The following WWP1 variants were observed in gnomAD, a reference collection of about 807,000 sequenced individuals.
WWP1 encodes NEDD4-like E3 ubiquitin-protein ligase WWP1.
WWP1 carries 49 observed loss-of-function variants against 130.6 expected under a neutral mutation model. The observed-to-expected ratio is 0.38, with a 90% CI of 0.30 to 0.48. The LOEUF (loss-of-function observed/expected upper bound fraction) is 0.48, where lower values mean the gene tolerates loss of function less well. WWP1 is among the 20% of genes least tolerant of loss of function. WWP1 has a pLI of 0.99. For synonymous variants in WWP1, 332 were observed against 367.8 expected (o/e 0.90, Z 1.11); for missense variants, 809 against 1,100.6 (o/e 0.74, Z 3.75).
chr8:86,401,342 T>C (rs1230343645), intron 7 of WWP1, among the ~76,000 whole-genome samples: 2 of 152,208 alleles, frequency 1.3e-5, no homozygotes, highest in East Asian at 1.9e-4. Flanking sequence ...GGAGGATCGC[T>C]TGAGGCCAGG....
intron 5 of WWP1, among the ~76,000 whole-genome samples, chr8:86,390,476 C>T (rs1453604755): frequency 2.6e-5 from 4 of 152,168 alleles, no homozygotes; most frequent in South Asian, 2.1e-4. Context: ...GCAGATCACT[C>T]GCGGTCAGGA....
intron 5 of WWP1, among the ~76,000 whole-genome samples, chr8:86,394,370 G>A (rs1443454504): frequency 1.3e-5 from 2 of 152,130 alleles, no homozygotes; most frequent in Admixed American, 1.3e-4. Context: ...GTTCCCCTAG[G>A]ACAGGACTAC....
intron 6 of WWP1, 28 bp downstream of exon 6, chr8:86,398,507 T>C: frequency 6.2e-7 from 1 of 1,608,968 alleles, no homozygotes; most frequent in Non-Finnish European, 8.5e-7. Context: ...GTTTGTAAAA[T>C]TTCAAGGAAA....
rs1822460638 is a variant in WWP1, at chr8:86,344,654, T to TAGGG, written c.-115+1726_-115+1729dup. On this transcript the variant is annotated intron_variant, in intron 1 of 24. Transcript: ENST00000517970. Reference sequence around the variant, plus strand: ...AGAGCTCAGATCTTACTTGGCAAGGTAGGGATAAGAGGGTTAGTTTGTAGA... The same window carrying TAGGG: ...AGAGCTCAGATCTTACTTGGCAAGGTAGGGAGGGATAAGAGGGTTAGTTTGTAGA... 2.0e-5 allele frequency among the ~76,000 whole-genome samples: 3 copies of TAGGG among 152,114 alleles called. No individual in the cohort carries two copies. The South Asian group carries it at 6.2e-4, about 32-fold the overall frequency.
chr8:86,421,803 A>T (rs1279263246), intron 9 of WWP1, among the ~76,000 whole-genome samples: 1 of 152,068 alleles, frequency 6.6e-6, no homozygotes, highest in Non-Finnish European at 1.5e-5. Flanking sequence ...AGCCTGGGGG[A>T]CAGAGCGAGA....
At chr8:86,409,812 A>C (rs1456904008) in intron 8 of WWP1, among the ~76,000 whole-genome samples, 3 of 151,914 alleles carry the variant, frequency 2.0e-5, no homozygotes, top group African/African-American at 7.2e-5. Context: ...GTGAGCTGTG[A>C]TTGTGCCACT....
intron 9 of WWP1, among the ~76,000 whole-genome samples, chr8:86,415,682 A>G (rs2130591383): frequency 6.6e-6 from 1 of 152,324 alleles, no homozygotes; most frequent in Non-Finnish European, 1.5e-5. Flanking sequence ...GAGGCAATCA[A>G]TATTCTAATT....
chr8:86,451,195 G>A (rs1338847092), intron 20 of WWP1, among the ~76,000 whole-genome samples: 2 of 118,156 alleles, frequency 1.7e-5, no homozygotes, highest in Non-Finnish European at 3.3e-5. Flanking sequence ...CCAGGCAACC[G>A]AGTGAGACCC....
Position 86,342,865 on chromosome 8 carries a change from C to A in WWP1, c.-180C>A. 1 of 365,774 alleles carries A rather than the reference C, an allele frequency of 2.7e-6. No homozygotes were observed. Among genetic ancestry groups the A allele is most frequent in the Non-Finnish European group, 4.9e-6 (1 of 204,774 alleles). The allele number at this position is 365,774 out of a possible 1,614,324, so 22.7% of individuals were successfully genotyped here. ...CTTGGGCGCGGAAGGGTGAGGGCGC[C>A]CGCCGCAGGAGGAGGTGCCGCTGCC... On this transcript the variant is annotated 5_prime_UTR_variant, in exon 1 of 25. Coordinates refer to ENST00000517970, the MANE Select transcript of WWP1 (RefSeq NM_007013.4).
At chr8:86,388,033 T>C (rs963470813) in intron 5 of WWP1, among the ~76,000 whole-genome samples, 6 of 152,246 alleles carry the variant, frequency 3.9e-5, no homozygotes, top group Non-Finnish European at 7.3e-5. Flanking sequence ...TGTTTAATTT[T>C]AAACTTGGTT....
chr8:86,398,026 A>G (rs1331925774), intron 5 of WWP1, among the ~76,000 whole-genome samples: 1 of 152,184 alleles, frequency 6.6e-6, no homozygotes, highest in East Asian at 1.9e-4. Context: ...TTGTGCAGAA[A>G]TTTTGCCTCA....
chr8:86,348,121 A>AG (rs1243098048), intron 1 of WWP1, among the ~76,000 whole-genome samples: 5 of 152,246 alleles, frequency 3.3e-5, no homozygotes, highest in Non-Finnish European at 7.3e-5. Context: ...TATAATGTAA[A>AG]ACCATACGTC....
Position 86,435,715 on chromosome 8 carries a change from T to C in WWP1, c.1749+11T>C. Reference sequence around the variant, plus strand: ...GATTCCTTCCAACAGGTAAGGAGGATTTTAGCAGAATAAAACACCATTTGT... The same window carrying C: ...GATTCCTTCCAACAGGTAAGGAGGACTTTAGCAGAATAAAACACCATTTGT... On this transcript the variant is annotated intron_variant, in intron 16 of 24. Coordinates refer to ENST00000517970, the MANE Select transcript of WWP1 (RefSeq NM_007013.4). 1 of 1,610,540 alleles carries C rather than the reference T, an allele frequency of 6.2e-7. No individual in the cohort carries two copies. Among genetic ancestry groups the C allele is most frequent in the Non-Finnish European group, 8.5e-7 (1 of 1,178,934 alleles).
intron 11 of WWP1, 74 bp from the exon 12 acceptor site, chr8:86,430,623 A>C: frequency 8.0e-7 from 1 of 1,243,782 alleles, no homozygotes; most frequent in Non-Finnish European, 1.1e-6. Context: ...ATTCTGCCAC[A>C]TGCTTGGCTT....
chr8:86,443,781 A>G (rs1314551955), intron 18 of WWP1, among the ~76,000 whole-genome samples: 1 of 152,208 alleles, frequency 6.6e-6, no homozygotes, highest in African/African-American at 2.4e-5. Flanking sequence ...AATCATGCAG[A>G]TATCTTGGAG....
intron 18 of WWP1, among the ~76,000 whole-genome samples, chr8:86,444,753 G>A (rs1345218340): frequency 6.6e-6 from 1 of 152,162 alleles, no homozygotes; most frequent in Non-Finnish European, 1.5e-5. Context: ...AGAGAGAATG[G>A]AGGGAGAGTG....
chr8:86,433,967 A>G (rs149550983), intron 14 of WWP1, among the ~76,000 whole-genome samples: 85 of 152,084 alleles, frequency 5.6e-4, no homozygotes, highest in African/African-American at 1.9e-3. Flanking sequence ...TATCTCTCCT[A>G]CCTTACAAAC....
intron 16 of WWP1, 44 bp from the exon 17 acceptor site, chr8:86,438,541 A>G: frequency 7.1e-7 from 1 of 1,412,614 alleles, no homozygotes; most frequent in Non-Finnish European, 9.7e-7. Flanking sequence ...AGGAACTTGT[A>G]CTGCATGTGA....
chr8:86,423,963 A>C (rs1472675304), intron 9 of WWP1, among the ~76,000 whole-genome samples: 14 of 3,324 alleles, frequency 4.2e-3, no homozygotes, highest in Non-Finnish European at 9.1e-3. Flanking sequence ...ATAAGCGCTA[A>C]CTTAAGTTAG....
Sources: gnomAD v4.1 joint callset for allele counts (sites outside exome capture counted in the v4.1 genomes callset) on GRCh38, gnomAD v4.1.1 for gene constraint, MANE v1.5 for transcripts, NCBI Gene and HGNC (gene_info 2026-07-23, HGNC 2026-07-21) for gene names.